KYAT3: variants seen among roughly 807,000 people sequenced by gnomAD.
KYAT3 encodes kynurenine aminotransferase 3, also known as kynurenine--oxoglutarate transaminase 3.
KYAT3 carries 50 observed loss-of-function variants against 59.0 expected under a neutral mutation model. The observed-to-expected ratio is 0.85, with a 90% CI of 0.68 to 1.07. KYAT3 has a LOEUF of 1.07. Ranked by LOEUF, KYAT3 falls within the 50% of genes least tolerant of loss-of-function variation. The pLI, the probability that KYAT3 is intolerant of heterozygous loss-of-function variation, is 0.00. For missense variants in KYAT3, 497 were observed against 533.3 expected (o/e 0.93, Z 0.67); for synonymous variants, 148 against 177.0 (o/e 0.84, Z 1.30).
rs991987817 is a variant in KYAT3, at chr1:88,988,420, C to T, written c.-1-69G>A. The T allele has an allele frequency of 8.2e-6, 7 of 854,380 alleles. No homozygotes were observed. The East Asian group carries it at 1.0e-4, about 12-fold the overall frequency. 52.9% of individuals were successfully genotyped at this position (854,380 alleles called of 1,614,324 possible). On this transcript the variant is annotated intron_variant, in intron 1 of 13. Coordinates refer to ENST00000260508, the MANE Select transcript of KYAT3 (RefSeq NM_001008661.3). ...TGGGTACATCACTATCAGACACTTA[C>T]AGCTAGCTGATGTATCATAAGCTTA... is the stretch of plus-strand genomic sequence containing the variant.
In KYAT3 at chr1:88,968,792, C is replaced by T; in HGVS notation, c.181G>A (p.Ala61Thr). The T allele has an allele frequency of 1.3e-6, 2 of 1,585,498 alleles. No individual in the cohort carries two copies. Among genetic ancestry groups the T allele is most frequent in the South Asian group, 1.2e-5 (1 of 84,428 alleles). Residue 61 changes from alanine to threonine, a missense_variant, in exon 4 of 14, where the codon GCA becomes ACA. Coordinates refer to ENST00000260508, the MANE Select transcript of KYAT3 (RefSeq NM_001008661.3). Reference protein sequence around the residue: ...NVWIEFTKLAADPSVVNLGQG... With the variant: ...NVWIEFTKLATDPSVVNLGQG... The stretch of plus-strand genomic sequence containing the variant: ...CCAAGATTCACAACAGAAGGGTCTG[C>T]AGCCAATTTGGTAAATTCAATCCTA...
In KYAT3 at chr1:88,969,787, A is replaced by G. The variant is rs560720500; in HGVS notation, c.100-320T>C. Among the ~76,000 whole-genome samples the G allele has an allele frequency of 3.3e-5, 5 of 152,162 alleles. No homozygotes were observed. In the South Asian group the frequency reaches 8.3e-4, roughly 25 times the overall value. On this transcript the variant is annotated intron_variant, in intron 2 of 13. Transcript: ENST00000260508. Reference sequence around the variant, plus strand: ...CTCCTGAGCAGGTGGGACTATAGGCATATCCTACTGTGCCAAACTATTTTT... The same window carrying G: ...CTCCTGAGCAGGTGGGACTATAGGCGTATCCTACTGTGCCAAACTATTTTT...
chr1:88,943,405 A>C lies in KYAT3; in HGVS notation c.1160T>G (p.Met387Arg), dbSNP rs764056000. The C allele has an allele frequency of 5.1e-6, 8 of 1,579,022 alleles. No individual in the cohort carries two copies. In the South Asian group the frequency reaches 9.2e-5, roughly 18 times the overall value. Residue 387 changes from methionine to arginine, a missense_variant, in exon 12 of 14, where the codon ATG becomes AGG. Met to Arg is a moderately conservative substitution (Grantham distance 91). Coordinates refer to ENST00000260508, the MANE Select transcript of KYAT3 (RefSeq NM_001008661.3). ...ATAGTCATAAGGCTCATTATTCTTC[A>C]TATCAGAGAGGTCTGGATCTAAAAC... ...VSLLDPDLSD[M>R]KNNEPYDYKF...
intron 2 of KYAT3, chr1:88,984,104 T>C: frequency 6.0e-6 from 3 of 501,622 alleles, no homozygotes; most frequent in African/African-American, 1.9e-5. Flanking sequence ...AACTCAGAAG[T>C]GGAAATGTAA....
In KYAT3 at chr1:88,991,079, A is replaced by C. The variant is rs570823395; in HGVS notation, c.-2+1506T>G. Among the ~76,000 whole-genome samples, 24 of 152,306 alleles carry C rather than the reference A, an allele frequency of 1.6e-4. No homozygotes were observed. In the South Asian group the frequency reaches 5.0e-3, roughly 32 times the overall value. On this transcript the variant is annotated intron_variant, in intron 1 of 13. Coordinates refer to ENST00000260508, the MANE Select transcript of KYAT3 (RefSeq NM_001008661.3). Reference sequence around the variant, plus strand: ...TTATGCATAAAGTCCATATTCCAAAACGCATGATCTATAGAAATGAAACTG... The same window carrying C: ...TTATGCATAAAGTCCATATTCCAAACCGCATGATCTATAGAAATGAAACTG...
intron 2 of KYAT3, among the ~76,000 whole-genome samples, chr1:88,977,315 T>TCTCAGCTTCC (rs1557701586): frequency 1.3e-5 from 2 of 151,908 alleles, no homozygotes; most frequent in African/African-American, 4.8e-5. Flanking sequence ...GATTCTCCTG[T>TCTCAGCTTCC]CTCAGCTTCC....
chr1:88,968,090 T>C (rs775924121), intron 4 of KYAT3, among the ~76,000 whole-genome samples: 6 of 152,182 alleles, frequency 3.9e-5, no homozygotes, highest in Non-Finnish European at 8.8e-5. Flanking sequence ...TAGACCACTA[T>C]AGAAGACAAA....
Position 88,953,075 on chromosome 1 carries a change from T to C in KYAT3, c.942A>G (p.Ala314=). ...TVQQNTIYTC[A]TPLQEALAQA... is the part of the protein sequence containing the mutation. Reference sequence around the variant, plus strand: ...CTATAACACTTACCTGTAAAGGAGTTGCACAAGTATAAATCGTGTTTTGTT... The same window carrying C: ...CTATAACACTTACCTGTAAAGGAGTCGCACAAGTATAAATCGTGTTTTGTT... The change falls in exon 10 of 14, where the codon GCA becomes GCG. Residue 314 remains alanine (A), a synonymous_variant. Transcript: ENST00000260508. The C allele has an allele frequency of 6.2e-7, 1 of 1,607,812 alleles. No homozygotes were observed. The highest frequency in any genetic ancestry group is 8.5e-7 in the Non-Finnish European group (1 of 1,174,328).
intron 11 of KYAT3, among the ~76,000 whole-genome samples, chr1:88,945,107 G>T (rs1675388287): frequency 6.6e-6 from 1 of 152,118 alleles, no homozygotes; most frequent in South Asian, 2.1e-4. Context: ...GCCTCCCAAA[G>T]TGCTGGGATT....
chr1:88,928,628 C>T, the KYAT3 span, among the ~76,000 whole-genome samples: 5 of 152,200 alleles, frequency 3.3e-5, no homozygotes, highest in Non-Finnish European at 4.4e-5. Flanking sequence ...TCAGAAGCCA[C>T]TAACCAGATG....
intron 9 of KYAT3, 119 bp from the exon 10 acceptor site, chr1:88,953,271 A>G (rs910051795): frequency 3.0e-6 from 2 of 673,398 alleles, no homozygotes; most frequent in East Asian, 2.8e-5. Context: ...TTGGCTGGGT[A>G]TGGTGACTCA....
intron 11 of KYAT3, 55 bp from the exon 12 acceptor site, chr1:88,943,478 A>G: frequency 1.1e-6 from 1 of 871,528 alleles, no homozygotes; most frequent in Non-Finnish European, 1.9e-6. Flanking sequence ...TGCAACATGT[A>G]TTTCATTTAA....
Position 88,975,895 on chromosome 1 carries a change from C to T in KYAT3, c.100-6428G>A, listed in dbSNP as rs557616905. ...ACTAAAAATACAAAAATGAGCTAAG[C>T]GTGGTGGCAAGTGCCTGTAGTCCCA... On this transcript the variant is annotated intron_variant, in intron 2 of 13. Coordinates refer to ENST00000260508, the MANE Select transcript of KYAT3 (RefSeq NM_001008661.3). Among the ~76,000 whole-genome samples, 21 of 152,050 alleles carry T rather than the reference C, an allele frequency of 1.4e-4. 2 individuals are homozygous for T. The highest frequency in any genetic ancestry group is 3.6e-4 in the African/African-American group (15 of 41,488).
chr1:88,952,972 A>T, intron 10 of KYAT3, 91 bp downstream of exon 10: 1 of 776,096 alleles, frequency 1.3e-6, no homozygotes, highest in Non-Finnish European at 2.2e-6. Context: ...AGAAGGATAG[A>T]AGGAGAATTA....
rs151248715 is a variant in KYAT3 at position 88,953,412 on chromosome 1, G to C, written c.865-260C>G. On this transcript the variant is annotated intron_variant, in intron 9 of 13. Coordinates refer to ENST00000260508, the MANE Select transcript of KYAT3 (RefSeq NM_001008661.3). Reference sequence around the variant, plus strand: ...TACAAAAAAATTAGCTGGGCATGGTGGTGGGCACCTGTAATCCCAGCTACT... The same window carrying C: ...TACAAAAAAATTAGCTGGGCATGGTCGTGGGCACCTGTAATCCCAGCTACT... 7.2e-4 allele frequency among the ~76,000 whole-genome samples: 110 copies of C among 152,082 alleles called. 1 individual carries two copies. Among genetic ancestry groups the C allele is most frequent in the African/African-American group, 2.5e-3 (103 of 41,468 alleles).
chr1:88,962,643 T>A (rs1676190721), intron 5 of KYAT3, among the ~76,000 whole-genome samples: 1 of 152,174 alleles, frequency 6.6e-6, no homozygotes, highest in Non-Finnish European at 1.5e-5. Context: ...AAGATGTTTC[T>A]CTCTTCTCAA....
the KYAT3 span, chr1:88,923,764 T>C: frequency 3.4e-6 from 1 of 292,848 alleles, no homozygotes; most frequent in Non-Finnish European, 6.7e-6. Flanking sequence ...AGTGCCTGTC[T>C]CAGAAAATCC....
chr1:88,983,188 C>A (rs1242764356), intron 2 of KYAT3: 2 of 1,612,718 alleles, frequency 1.2e-6, no homozygotes, highest in Non-Finnish European at 1.7e-6. Context: ...TAGTAGAATA[C>A]CCATCATCTC....
At chr1:88,938,412 A>C (rs1675116868) in intron 13 of KYAT3, among the ~76,000 whole-genome samples, 1 of 151,986 alleles carries the variant, frequency 6.6e-6, no homozygotes, top group African/African-American at 2.4e-5. Context: ...TTGGGGGTAC[A>C]TGTGAAGATT....
Sources: allele counts gnomAD v4.1 joint callset (sites outside exome capture counted in the v4.1 genomes callset), GRCh38; gene constraint gnomAD v4.1.1; transcripts MANE v1.5; gene names NCBI Gene and HGNC (gene_info 2026-07-23, HGNC 2026-07-21).